Variants in DCHS2 observed in about 807,000 individuals in gnomAD.
DCHS2 encodes dachsous cadherin-related 2, also known as protocadherin-23.
A neutral mutation model predicts 182.4 loss-of-function variants in DCHS2; 142 were observed. The observed-to-expected ratio is 0.78, with a 90% CI of 0.68 to 0.89. DCHS2 has a LOEUF of 0.89. DCHS2 is among the 40% of genes least tolerant of loss of function. The pLI, the probability that DCHS2 is intolerant of heterozygous loss-of-function variation, is 0.00. For synonymous variants in DCHS2, 1,740 were observed against 1,663.3 expected, an observed-to-expected ratio of 1.05 and a Z score of -1.12; for missense variants, 4,319 against 4,198.6, an observed-to-expected ratio of 1.03 and a Z score of -0.79.
chr4:154,273,770 C>A (rs1043453045), intron 13 of DCHS2, among the ~76,000 whole-genome samples: 1 of 135,468 alleles, frequency 7.4e-6, no homozygotes, highest in East Asian at 2.2e-4. Flanking sequence ...CTGTTTTACA[C>A]TCCCAATCTT....
At chr4:154,373,376 C>T (rs1403855112) in intron 2 of DCHS2, among the ~76,000 whole-genome samples, 1 of 152,150 alleles carries the variant, frequency 6.6e-6, no homozygotes, top group African/African-American at 2.4e-5. Flanking sequence ...GAGGATTATG[C>T]AGTCAACAGA....
chr4:154,303,580 G>T (rs1179204854), intron 12 of DCHS2, among the ~76,000 whole-genome samples: 2 of 150,900 alleles, frequency 1.3e-5, no homozygotes, highest in African/African-American at 4.9e-5. Context: ...TGAGGCTGAT[G>T]TGTCATTTTG....
chr4:154,470,931 A>C (rs1194049435), intron 1 of DCHS2, among the ~76,000 whole-genome samples: 1 of 152,214 alleles, frequency 6.6e-6, no homozygotes, highest in Non-Finnish European at 1.5e-5. Context: ...CCACATTTGG[A>C]TATCAAGAGA....
At chr4:154,273,746 G>A (rs868547280) in intron 13 of DCHS2, among the ~76,000 whole-genome samples, 1 of 151,930 alleles carries the variant, frequency 6.6e-6, no homozygotes, top group Non-Finnish European at 1.5e-5. Context: ...TATTAGGCCT[G>A]TAATTTATGG....
intron 11 of DCHS2, 89 bp downstream of exon 11, chr4:154,305,008 A>T: frequency 6.0e-6 from 9 of 1,504,818 alleles, no homozygotes; most frequent in Non-Finnish European, 8.0e-6. Context: ...AAAACACCCC[A>T]ACAAAATATA....
intron 3 of DCHS2, among the ~76,000 whole-genome samples, chr4:154,347,573 T>A (rs1385121035): frequency 1.3e-5 from 2 of 151,882 alleles, no homozygotes. Context: ...TACAAAGTAC[T>A]GTAGCATAGT....
At chr4:154,263,356 T>G (rs376467251) in intron 14 of DCHS2, among the ~76,000 whole-genome samples, 1 of 152,034 alleles carries the variant, frequency 6.6e-6, no homozygotes, top group South Asian at 2.1e-4. Flanking sequence ...CTAAAATGCA[T>G]GATAAATTAT....
intron 16 of DCHS2, among the ~76,000 whole-genome samples, chr4:154,246,463 C>T (rs1732073672): frequency 6.6e-6 from 1 of 152,096 alleles, no homozygotes; most frequent in African/African-American, 2.4e-5. Context: ...GTCCCTCTAG[C>T]CCACTCAGAG....
chr4:154,486,024 A>G (rs1382721089), intron 1 of DCHS2, among the ~76,000 whole-genome samples: 1 of 152,242 alleles, frequency 6.6e-6, no homozygotes, highest in Non-Finnish European at 1.5e-5. Flanking sequence ...GTCTTGACCA[A>G]GAAGGCAGCA....
chr4:154,490,711 G>A lies in DCHS2; in HGVS notation c.645C>T (p.Asp215=), dbSNP rs1728791093. The change falls in exon 1 of 20, where the codon GAC becomes GAT. Residue 215 remains aspartate, a synonymous_variant. Coordinates refer to ENST00000357232, the MANE Select transcript of DCHS2 (RefSeq NM_001358235.2). ...GCAACTGGAAGAACGGGCCTGCGGG[G>A]TCCTTGGGCAGGTCGGACGGTTGCA... The part of the protein sequence containing the change: ...TLVQPSDLPK[D]PAGPFFQLRY... 1 of 1,551,526 alleles carries A rather than the reference G, an allele frequency of 6.4e-7. No individual in the cohort carries two copies. The highest frequency in any genetic ancestry group is 8.7e-7 in the Non-Finnish European group (1 of 1,146,934).
At chr4:154,249,408 A>C (rs978957265) in intron 16 of DCHS2, among the ~76,000 whole-genome samples, 2 of 152,192 alleles carry the variant, frequency 1.3e-5, no homozygotes, top group Non-Finnish European at 2.9e-5. Flanking sequence ...GCTATTATTA[A>C]AAAGTCAAAA....
intron 3 of DCHS2, among the ~76,000 whole-genome samples, chr4:154,344,905 G>A (rs1230441770): frequency 6.6e-6 from 1 of 152,224 alleles, no homozygotes; most frequent in African/African-American, 2.4e-5. Context: ...TGAGGGCAGT[G>A]CTCACTGTCC....
intron 1 of DCHS2, among the ~76,000 whole-genome samples, chr4:154,417,204 T>TGAGAGA (rs70947163): frequency 0.023 from 887 of 39,380 alleles, 40 homozygotes; most frequent in African/African-American, 0.034. Flanking sequence ...TGTGTGTGTG[T>TGAGAGA]GAGAGAGAGA....
chr4:154,445,432 T>TA (rs1249526765), intron 1 of DCHS2, among the ~76,000 whole-genome samples: 2 of 152,192 alleles, frequency 1.3e-5, no homozygotes, highest in Non-Finnish European at 2.9e-5. Flanking sequence ...TCTTAACGTA[T>TA]AATTCGTTCT....
chr4:154,334,777 GA>G (rs1035807402), intron 4 of DCHS2, 90 bp downstream of exon 4: 15 of 1,075,208 alleles, frequency 1.4e-5, no homozygotes, highest in African/African-American at 3.2e-5. Context: ...GTGGAAAGAA[GA>G]AAAAAATTAT....
chr4:154,372,093 G>T (rs890809908), intron 2 of DCHS2, among the ~76,000 whole-genome samples: 1 of 152,086 alleles, frequency 6.6e-6, no homozygotes, highest in East Asian at 1.9e-4. Context: ...AGGAGGTAAA[G>T]GAGTATTGAA....
At chr4:154,323,179 G>A (rs902891948) in intron 7 of DCHS2, 4 of 1,547,034 alleles carry the variant, frequency 2.6e-6, no homozygotes, top group Non-Finnish European at 3.5e-6. Context: ...AGCATAATAT[G>A]TTCCTCTATT....
At chr4:154,372,043 A>G (rs1730670972) in intron 2 of DCHS2, among the ~76,000 whole-genome samples, 2 of 152,190 alleles carry the variant, frequency 1.3e-5, no homozygotes, top group South Asian at 4.1e-4. Context: ...AATATGGATA[A>G]TAATAAATGG....
chr4:154,463,891 A>C (rs773865980), intron 1 of DCHS2, among the ~76,000 whole-genome samples: 1 of 152,178 alleles, frequency 6.6e-6, no homozygotes, highest in Non-Finnish European at 1.5e-5. Flanking sequence ...TTACTTCTTT[A>C]CTAAAAAACA....
Sources: allele counts gnomAD v4.1 joint callset (sites outside exome capture counted in the v4.1 genomes callset), GRCh38; gene constraint gnomAD v4.1.1; transcripts MANE v1.5; gene names NCBI Gene and HGNC (gene_info 2026-07-23, HGNC 2026-07-21).